The following ELK3 variants were observed in gnomAD, a reference collection of about 807,000 sequenced individuals.
ELK3 encodes the protein ETS domain-containing protein Elk-3.
A neutral mutation model predicts 28.9 loss-of-function variants in ELK3; 10 were observed. That is an observed-to-expected ratio of 0.35 (90% CI 0.21 to 0.59). The LOEUF (loss-of-function observed/expected upper bound fraction) is 0.59. Ranked by LOEUF, ELK3 falls within the 20% of genes least tolerant of loss-of-function variation. ELK3 has a pLI of 0.82. For missense variants in ELK3, 463 were observed against 517.3 expected, an observed-to-expected ratio of 0.90 and a Z score of 1.02; for synonymous variants, 272 against 243.5, an observed-to-expected ratio of 1.12 and a Z score of -1.09.
intron 1 of ELK3, among the ~76,000 whole-genome samples, chr12:96,196,362 G>T (rs945899450): frequency 1.3e-5 from 2 of 151,962 alleles, no homozygotes; most frequent in African/African-American, 4.8e-5. Flanking sequence ...GTTGAGAGGT[G>T]GGGGGAGATA....
chr12:96,263,267 T>C (rs905670587), intron 4 of ELK3, among the ~76,000 whole-genome samples: 17 of 152,084 alleles, frequency 1.1e-4, no homozygotes, highest in African/African-American at 4.1e-4. Flanking sequence ...AATTGAGAAA[T>C]GTTTAGGTAA....
In ELK3 at chr12:96,247,302, C is replaced by T. The variant is rs369779294; in HGVS notation, c.570C>T (p.Thr190=). 52 of 1,614,122 alleles carry T rather than the reference C, an allele frequency of 3.2e-5. No homozygotes were observed. Among genetic ancestry groups the T allele is most frequent in the Middle Eastern group, 1.6e-4 (1 of 6,082 alleles). The change falls in exon 3 of 5, where the codon ACC becomes ACT. Residue 190 remains threonine, a synonymous_variant. Transcript: ENST00000228741. This position sits in a 1 kb window ranked among gnomAD's most constrained non-coding sequence, Gnocchi z 5.5. ...RTVIRFVTNK[T]DKHVTRPVVS... ...TGATCAGGTTTGTGACCAATAAAAC[C>T]GACAAGCACGTCACCAGGCCGGTGG...
chr12:96,230,531 C>A (rs969067900), intron 2 of ELK3, among the ~76,000 whole-genome samples: 9 of 152,116 alleles, frequency 5.9e-5, no homozygotes, highest in African/African-American at 2.2e-4. Context: ...CACTAGACTC[C>A]GTGACAGGTG....
At chr12:96,202,602 C>G (rs945858124) in intron 1 of ELK3, among the ~76,000 whole-genome samples, 2 of 148,314 alleles carry the variant, frequency 1.3e-5, no homozygotes, top group Non-Finnish European at 3.0e-5. Context: ...TCTTGGGTCA[C>G]TGCAACCTCC....
chr12:96,194,899 C>T (rs1028306467), intron 1 of ELK3, among the ~76,000 whole-genome samples, 194 bp downstream of exon 1: 7 of 146,768 alleles, frequency 4.8e-5, no homozygotes, highest in Non-Finnish European at 7.6e-5. Flanking sequence ...GCCGCGGATG[C>T]TCCTGCGCCC....
At chr12:96,197,511 G>A (rs2268515) in intron 1 of ELK3, among the ~76,000 whole-genome samples, 134,764 of 152,268 alleles carry the variant, frequency 0.89, 59,705 homozygotes, top group Middle Eastern at 0.92. Context: ...GGCCACATAC[G>A]TAACATAGCA....
intron 1 of ELK3, among the ~76,000 whole-genome samples, chr12:96,197,694 A>C (rs1007582931): frequency 3.9e-5 from 6 of 152,202 alleles, no homozygotes; most frequent in African/African-American, 1.4e-4. Context: ...TGAGACCAGA[A>C]TGGCAGTAGT....
Position 96,220,929 on chromosome 12 carries a change from T to C in ELK3, c.-2-2636T>C, listed in dbSNP as rs370346585. On this transcript the variant is annotated intron_variant, in intron 1 of 4. Coordinates refer to ENST00000228741, the MANE Select transcript of ELK3 (RefSeq NM_005230.4). Reference sequence around the variant, plus strand: ...GCGGGTGGGGCTTGGCTTCGGACTTTGGGTTGAGTTCAGGTCACCTCCATG... The same window carrying C: ...GCGGGTGGGGCTTGGCTTCGGACTTCGGGTTGAGTTCAGGTCACCTCCATG... Among the ~76,000 whole-genome samples the C allele has an allele frequency of 1.6e-3, 246 of 152,264 alleles. 1 individual carries two copies. In the South Asian group the frequency reaches 0.022, roughly 14 times the overall value.
intron 1 of ELK3, among the ~76,000 whole-genome samples, chr12:96,207,750 G>A (rs1176447988): frequency 1.3e-5 from 2 of 152,172 alleles, no homozygotes; most frequent in African/African-American, 4.8e-5. Flanking sequence ...CAAAGACTGG[G>A]TAATGTCAGT....
chr12:96,211,127 G>C (rs369108447), intron 1 of ELK3, among the ~76,000 whole-genome samples: 7 of 152,128 alleles, frequency 4.6e-5, no homozygotes, highest in African/African-American at 1.7e-4. Context: ...TAGACAGCAT[G>C]TATAAAGCAC....
intron 3 of ELK3, among the ~76,000 whole-genome samples, chr12:96,248,410 C>T (rs1268117608): frequency 2.0e-5 from 3 of 152,216 alleles, no homozygotes; most frequent in East Asian, 1.9e-4. Context: ...CTTTCTTGTC[C>T]AGCTGACAAT....
intron 3 of ELK3, among the ~76,000 whole-genome samples, chr12:96,255,212 A>G (rs556302272): frequency 7.2e-5 from 11 of 152,222 alleles, no homozygotes; most frequent in Admixed American, 2.0e-4. Context: ...TGTGAGGAAC[A>G]TGGGAGGAAG....
At chr12:96,248,610 G>A (rs1951877359) in intron 3 of ELK3, among the ~76,000 whole-genome samples, 1 of 152,202 alleles carries the variant, frequency 6.6e-6, no homozygotes, top group Admixed American at 6.5e-5. Flanking sequence ...GGTTCCATGT[G>A]TGGAAAATGG....
At chr12:96,238,603 C>T (rs1951799240) in intron 2 of ELK3, among the ~76,000 whole-genome samples, 1 of 152,198 alleles carries the variant, frequency 6.6e-6, no homozygotes, top group African/African-American at 2.4e-5. Flanking sequence ...GATGGCATGC[C>T]ACTTATAGTT....
chr12:96,252,180 A>G (rs1224168889), intron 3 of ELK3, among the ~76,000 whole-genome samples: 1 of 152,228 alleles, frequency 6.6e-6, no homozygotes, highest in African/African-American at 2.4e-5. Flanking sequence ...CAGTTTATGG[A>G]ATAGTTTAAG....
chr12:96,222,689 T>G (rs78942837), intron 1 of ELK3: 2,509 of 152,310 alleles, frequency 0.016, 62 homozygotes, highest in African/African-American at 0.057. Flanking sequence ...ACAGGAGAGA[T>G]ATTCCAGGCA....
chr12:96,241,091 C>G (rs1349842843), intron 2 of ELK3, among the ~76,000 whole-genome samples: 3 of 152,148 alleles, frequency 2.0e-5, no homozygotes, highest in South Asian at 4.1e-4. Context: ...CAAAGAAGAA[C>G]AAGCAGGTAT....
chr12:96,236,828 T>G (rs1951787813), intron 2 of ELK3, among the ~76,000 whole-genome samples: 1 of 152,218 alleles, frequency 6.6e-6, no homozygotes, highest in South Asian at 2.1e-4. Context: ...TAGAAATGTA[T>G]TCTCTGAAGG....
intron 1 of ELK3, among the ~76,000 whole-genome samples, chr12:96,223,167 C>G (rs1951674696): frequency 6.6e-6 from 1 of 152,158 alleles, no homozygotes; most frequent in Non-Finnish European, 1.5e-5. Flanking sequence ...CAAACTATAT[C>G]ACGGACCCAC....
Sources: allele counts gnomAD v4.1 joint callset (sites outside exome capture counted in the v4.1 genomes callset), GRCh38; gene constraint gnomAD v4.1.1; non-coding constraint Gnocchi (gnomAD v3.1); transcripts MANE v1.5; gene names NCBI Gene and HGNC (gene_info 2026-07-23, HGNC 2026-07-21).